The following PMPCB variants were observed in gnomAD, a reference collection of about 807,000 sequenced individuals.
PMPCB encodes peptidase, mitochondrial processing subunit beta.
In PMPCB, 46 loss-of-function variants were observed where a neutral mutation model predicts 61.5. That is an observed-to-expected ratio of 0.75 (90% CI 0.59 to 0.96). The LOEUF (loss-of-function observed/expected upper bound fraction) is 0.96, where lower values mean the gene tolerates loss of function less well. Among genes scored for constraint, PMPCB ranks in the 40% least tolerant of loss-of-function variants. The pLI is 0.00. For synonymous variants in PMPCB, 191 were observed against 201.6 expected (o/e 0.95, Z 0.44); for missense variants, 590 against 602.4 (o/e 0.98, Z 0.22).
At position 103,313,347 on chromosome 7, in the gene PMPCB, G is replaced by C; in HGVS notation, c.*1076G>C. 8.4e-7 allele frequency: 1 copy of C among 1,186,302 alleles called. No homozygotes were observed. Among genetic ancestry groups the C allele is most frequent in the South Asian group, 3.4e-5 (1 of 29,836 alleles). 73.5% of individuals were successfully genotyped at this position (1,186,302 alleles called of 1,614,324 possible). ...AAACACAATAGTAAAGATCTACCTTGTACTGTTTATCTCTTAAAAATCAAT... is the reference window on the plus strand; with the variant it reads ...AAACACAATAGTAAAGATCTACCTTCTACTGTTTATCTCTTAAAAATCAAT... On this transcript the variant is annotated 3_prime_UTR_variant, in exon 13 of 13. Transcript: ENST00000249269.
At chr7:103,330,609 G>A (rs55978435), downstream of PMPCB, among the ~76,000 whole-genome samples, 1,054 of 152,074 alleles carry the variant, frequency 6.9e-3, 5 homozygotes, top group Non-Finnish European at 8.7e-3. Context: ...GTGCCACTAC[G>A]CCCGGCTAAT....
chr7:103,318,583 A>G (rs1818203280), downstream of PMPCB, among the ~76,000 whole-genome samples: 1 of 152,138 alleles, frequency 6.6e-6, no homozygotes. Context: ...TCTTCTCAGC[A>G]TGTCCTTTGT....
chr7:103,347,520 A>C, the PMPCB span: 1 of 559,888 alleles, frequency 1.8e-6, no homozygotes, highest in Non-Finnish European at 3.2e-6. Context: ...TTTCCTTCTC[A>C]CAGGTAATCA....
At chr7:103,330,667 GT>G (rs1818929657), downstream of PMPCB, among the ~76,000 whole-genome samples, 1 of 151,118 alleles carries the variant, frequency 6.6e-6, no homozygotes, top group Non-Finnish European at 1.5e-5. Flanking sequence ...GGCCAGGCTG[GT>G]CTCGAACTCC....
At chr7:103,330,939 T>A (rs2115982300), downstream of PMPCB, among the ~76,000 whole-genome samples, 1 of 152,096 alleles carries the variant, frequency 6.6e-6, no homozygotes, top group East Asian at 1.9e-4. Flanking sequence ...GTGATTATTT[T>A]GTTCATAATA....
Position 103,309,087 on chromosome 7 carries a change from G to T in PMPCB, c.985G>T (p.Gly329Ter). The change falls in exon 8 of 13, where the codon GGA becomes TGA. Residue 329 changes from glycine (G) to a stop codon, truncating the protein, a stop_gained. Coordinates refer to ENST00000249269, the MANE Select transcript of PMPCB (RefSeq NM_004279.3). LOFTEE classifies it high-confidence loss of function. The part of the protein sequence containing the change: ...LIGNWDRSFG[G>*]GMNLSSKLAQ... The stretch of plus-strand genomic sequence containing the variant: ...TGGCAACTGGGATCGCTCTTTTGGG[G>T]GAGGAATGGTAAGTGATTTTAAAAG... 6.3e-7 allele frequency: 1 copy of T among 1,596,424 alleles called. No homozygotes were observed. The highest frequency in any genetic ancestry group is 8.5e-7 in the Non-Finnish European group (1 of 1,172,026).
chr7:103,326,189 G>A (rs1818696767), intron 12 of PMPCB, among the ~76,000 whole-genome samples: 1 of 152,080 alleles, frequency 6.6e-6, no homozygotes, highest in African/African-American at 2.4e-5. Flanking sequence ...TGTTGGCCAG[G>A]CTGGTCTTGA....
chr7:103,297,476 C>G lies in PMPCB; in HGVS notation c.17C>G (p.Ala6Gly), dbSNP rs781686213. 1.9e-5 allele frequency: 30 copies of G among 1,547,238 alleles called. No individual in the cohort carries two copies. Among genetic ancestry groups the G allele is most frequent in the Middle Eastern group, 4.3e-4 (2 of 4,640 alleles). The change falls in exon 1 of 13, where the codon GCT (alanine) becomes GGT (glycine). Residue 6 changes from alanine (A) to glycine (G), a missense_variant. By Grantham distance (60) the Ala-to-Gly change is moderately conservative. Coordinates refer to ENST00000249269, the MANE Select transcript of PMPCB (RefSeq NM_004279.3). ...CTAGCAGAAATGGCGGCTGCGGCGG[C>G]TCGAGTGGTGTTGTCATCCGCGGCG... MAAAA[A>G]RVVLSSAARR... is the part of the protein sequence containing the mutation.
At chr7:103,309,133 A>G (rs377435315) in intron 8 of PMPCB, 38 bp downstream of exon 8, 75 of 1,517,982 alleles carry the variant, frequency 4.9e-5, no homozygotes, top group Non-Finnish European at 6.2e-5. Context: ...TAACAGATGG[A>G]AGATTATCAT....
intron 12 of PMPCB, among the ~76,000 whole-genome samples, chr7:103,323,840 C>G (rs967259093): frequency 2.0e-5 from 3 of 152,144 alleles, no homozygotes; most frequent in African/African-American, 7.2e-5. Context: ...ATCTAAAATG[C>G]ACATATCACT....
At chr7:103,298,460 T>C in intron 1 of PMPCB, 108 bp from the exon 2 acceptor site, 2 of 1,139,568 alleles carry the variant, frequency 1.8e-6, no homozygotes. Flanking sequence ...AGAAAGATTC[T>C]TTTATAGAGA....
intron 8 of PMPCB, 190 bp downstream of exon 8, chr7:103,309,285 CA>C: frequency 2.3e-6 from 1 of 440,758 alleles, no homozygotes; most frequent in Non-Finnish European, 3.8e-6. Flanking sequence ...TTCTTTGCCA[CA>C]AAGTTTATTA....
exon 13 of PMPCB, chr7:103,329,068 G>A (rs1454864871): frequency 1.9e-6 from 2 of 1,054,082 alleles, no homozygotes; most frequent in East Asian, 1.3e-4. Context: ...TAAAATTTGT[G>A]ATTATCGCTG....
chr7:103,326,441 T>C, intron 12 of PMPCB: 2 of 1,175,748 alleles, frequency 1.7e-6, no homozygotes, highest in Non-Finnish European at 2.5e-6. Context: ...GTGGAAATAA[T>C]CTATAAATGA....
chr7:103,307,849 A>G (rs1817629973), intron 7 of PMPCB, 141 bp downstream of exon 7: 1 of 585,876 alleles, frequency 1.7e-6, no homozygotes, highest in Non-Finnish European at 3.0e-6. Flanking sequence ...TCATTTGCTT[A>G]CATTCCTTCC....
At chr7:103,305,573 C>T (rs1817553846) in intron 6 of PMPCB, among the ~76,000 whole-genome samples, 1 of 152,032 alleles carries the variant, frequency 6.6e-6, no homozygotes, top group African/African-American at 2.4e-5. Context: ...GTTTTCATTT[C>T]TTTGTATTTT....
intron 12 of PMPCB, among the ~76,000 whole-genome samples, chr7:103,326,095 C>G (rs1339849836): frequency 6.6e-6 from 1 of 152,068 alleles, no homozygotes; most frequent in African/African-American, 2.4e-5. Context: ...ACTCCCGTCT[C>G]CGCCTCCCGA....
In PMPCB at chr7:103,300,316, A is replaced by G. The variant is rs1391044330; in HGVS notation, c.457+9A>G. ...TAAAGACTTGCCAAGAGGTACTGTT[A>G]TTATTTATACAGCAGATAATGTAAT... On this transcript the variant is annotated intron_variant, in intron 4 of 12. Transcript: ENST00000249269. 3 of 1,589,050 alleles carry G rather than the reference A, an allele frequency of 1.9e-6. No individual in the cohort carries two copies. Among genetic ancestry groups the G allele is most frequent in the Non-Finnish European group, 2.6e-6 (3 of 1,166,812 alleles).
downstream of PMPCB, among the ~76,000 whole-genome samples, chr7:103,315,281 C>T (rs1817985861): frequency 6.6e-6 from 1 of 151,850 alleles, no homozygotes; most frequent in Admixed American, 6.6e-5. Context: ...GTATACTCTG[C>T]CTACATTCCC....
Sources: allele counts gnomAD v4.1 joint callset (sites outside exome capture counted in the v4.1 genomes callset), GRCh38; gene constraint gnomAD v4.1.1; transcripts MANE v1.5; gene names NCBI Gene and HGNC (gene_info 2026-07-23, HGNC 2026-07-21).